The following ANO6 variants were observed in gnomAD, a reference collection of about 807,000 sequenced individuals.
ANO6 encodes anoctamin 6.
Under a neutral mutation model 117.5 loss-of-function variants are expected in ANO6, and 106 were observed. That is an observed-to-expected ratio of 0.90 (90% CI 0.77 to 1.06). The LOEUF is 1.06. ANO6 is among the 50% of genes least tolerant of loss of function. The probability of loss-of-function intolerance (pLI) is 0.00; values close to 1 mark genes in which losing one functional copy is unlikely to be tolerated. For synonymous variants in ANO6, 367 were observed against 385.1 expected (o/e 0.95, Z 0.55); for missense variants, 955 against 1,121.1 (o/e 0.85, Z 2.12).
intron 10 of ANO6, among the ~76,000 whole-genome samples, chr12:45,382,383 G>T (rs1186064914): frequency 6.6e-6 from 1 of 152,144 alleles, no homozygotes; most frequent in Non-Finnish European, 1.5e-5. Flanking sequence ...AGTGCAACAA[G>T]ATTTTAATGT....
intron 1 of ANO6, among the ~76,000 whole-genome samples, chr12:45,239,823 T>G (rs1314947861): frequency 7.2e-5 from 11 of 152,180 alleles, no homozygotes; most frequent in Admixed American, 2.6e-4. Context: ...TTCCATGTAG[T>G]TGTGTGGTTT....
intron 1 of ANO6, among the ~76,000 whole-genome samples, chr12:45,225,741 G>A (rs1251483427): frequency 1.3e-5 from 2 of 152,030 alleles, no homozygotes; most frequent in East Asian, 1.9e-4. Flanking sequence ...CTCCCGCCTC[G>A]GCCTTCCAAA....
At chr12:45,264,069 G>A (rs1486033338) in intron 1 of ANO6, among the ~76,000 whole-genome samples, 2 of 152,164 alleles carry the variant, frequency 1.3e-5, no homozygotes, top group Non-Finnish European at 2.9e-5. Flanking sequence ...ACATTCGGAA[G>A]GAAACCGAGG....
chr12:45,403,618 CACATA>C (rs879770502), intron 15 of ANO6, 82 bp downstream of exon 15: 21,079 of 874,794 alleles, frequency 0.024, 573 homozygotes, highest in East Asian at 0.23. Context: ...CCTACATAGC[CACATA>C]GCCACATAGC....
At chr12:45,244,190 G>A (rs1208080870) in intron 1 of ANO6, among the ~76,000 whole-genome samples, 4 of 152,096 alleles carry the variant, frequency 2.6e-5, no homozygotes, top group African/African-American at 4.8e-5. Context: ...TATTTTTGTT[G>A]TAACCAAAAG....
intron 1 of ANO6, among the ~76,000 whole-genome samples, chr12:45,243,594 G>A (rs1947778413): frequency 6.6e-6 from 1 of 151,710 alleles, no homozygotes; most frequent in Non-Finnish European, 1.5e-5. Flanking sequence ...TTGTCGCCTA[G>A]GCTGGAGTGC....
At chr12:45,257,370 C>A (rs1461571724) in intron 1 of ANO6, among the ~76,000 whole-genome samples, 1 of 152,182 alleles carries the variant, frequency 6.6e-6, no homozygotes, top group Non-Finnish European at 1.5e-5. Context: ...CCTGGGGCCA[C>A]CCCAGTCTGA....
In ANO6 at chr12:45,423,208, C is replaced by T. The variant is rs1317974760; in HGVS notation, c.2526+146C>T. ...TAGGAAATATGTTAATCAGTATTGA[C>T]CTGAAAATACTCAACTTCATTAACG... On this transcript the variant is annotated intron_variant, in intron 19 of 19. Transcript: ENST00000320560. 8 of 703,254 alleles carry T rather than the reference C, an allele frequency of 1.1e-5. No homozygotes were observed. The Admixed American group carries it at 1.7e-4, about 15-fold the overall frequency. 43.6% of individuals were successfully genotyped at this position (703,254 alleles called of 1,614,324 possible). A position where few individuals can be genotyped will look rare whatever the true frequency, so the allele number is the denominator to read the frequency against.
At chr12:45,283,164 A>G (rs1938799231) in intron 1 of ANO6, among the ~76,000 whole-genome samples, 1 of 152,244 alleles carries the variant, frequency 6.6e-6, no homozygotes, top group African/African-American at 2.4e-5. Flanking sequence ...GTGTACAGGA[A>G]TTAAGTAGAA....
intron 4 of ANO6, 56 bp from the exon 5 acceptor site, chr12:45,347,972 T>C (rs1261364262): frequency 6.4e-7 from 1 of 1,554,014 alleles, no homozygotes; most frequent in Non-Finnish European, 8.8e-7. Context: ...TCTATGTGTT[T>C]TAAAATTGTG....
rs1465416825 is a variant in ANO6, at chr12:45,429,666, G to A, written c.*355G>A. On this transcript the variant is annotated 3_prime_UTR_variant, in exon 20 of 20. Transcript: ENST00000320560. ...TTTTCATTTCTGTCTATTCTCAGGC[G>A]CATGATCTCCTTTATTTTTAAGCCA... The A allele has an allele frequency of 2.6e-5, 29 of 1,127,570 alleles. No individual in the cohort carries two copies. In the East Asian group the frequency reaches 3.4e-4, roughly 13 times the overall value. 69.8% of individuals were successfully genotyped at this position (1,127,570 alleles called of 1,614,324 possible). A position where few individuals can be genotyped will look rare whatever the true frequency, so the allele number is the denominator to read the frequency against.
chr12:45,322,305 G>GTGGTTAGA (rs1355237223), intron 2 of ANO6, among the ~76,000 whole-genome samples: 1 of 152,126 alleles, frequency 6.6e-6, no homozygotes, highest in African/African-American at 2.4e-5. Context: ...AGGTGGTTAG[G>GTGGTTAGA]AGAGCAGGAG....
At chr12:45,365,023 T>G (rs1941649312) in intron 8 of ANO6, among the ~76,000 whole-genome samples, 1 of 152,240 alleles carries the variant, frequency 6.6e-6, no homozygotes, top group African/African-American at 2.4e-5. Flanking sequence ...GTGTGACCAC[T>G]TAAGTCTGTG....
intron 12 of ANO6, among the ~76,000 whole-genome samples, chr12:45,398,685 G>A (rs1183151407): frequency 6.6e-6 from 1 of 151,968 alleles, no homozygotes; most frequent in Non-Finnish European, 1.5e-5. Context: ...GGAATGTTGT[G>A]CGGCGATGAG....
chr12:45,388,144 T>C lies in ANO6; in HGVS notation c.1166-17T>C, dbSNP rs145904853. On this transcript the variant is annotated splice_polypyrimidine_tract_variant and intron_variant, in intron 10 of 19. Coordinates refer to ENST00000320560, the MANE Select transcript of ANO6 (RefSeq NM_001025356.3). ...CATCATTGAAAATCCACACAAGCTC[T>C]TCTGTCTCTCTGTTAGTTACCTTGT... 7.4e-4 allele frequency: 1,190 copies of C among 1,613,708 alleles called. 6 individuals are homozygous for C. The African/African-American group carries it at 0.014, about 19-fold the overall frequency.
At chr12:45,356,100 G>A (rs1941403650) in intron 7 of ANO6, among the ~76,000 whole-genome samples, 1 of 152,112 alleles carries the variant, frequency 6.6e-6, no homozygotes, top group African/African-American at 2.4e-5. Context: ...GAACAATTTT[G>A]GCACTGCTTC....
intron 1 of ANO6, among the ~76,000 whole-genome samples, chr12:45,248,886 GC>G (rs759081779): frequency 3.8e-4 from 58 of 152,116 alleles, no homozygotes; most frequent in Non-Finnish European, 7.8e-4. Context: ...CCTGGTCTGG[GC>G]CCATTTGGCC....
At chr12:45,401,750 C>G in intron 12 of ANO6, 45 bp from the exon 13 acceptor site, 1 of 1,459,064 alleles carries the variant, frequency 6.9e-7, no homozygotes, top group Non-Finnish European at 9.6e-7. Flanking sequence ...AGTACAAGTG[C>G]AGTTATTGGT....
At chr12:45,270,411 C>T (rs1395580027) in intron 1 of ANO6, 1 of 1,512,206 alleles carries the variant, frequency 6.6e-7, no homozygotes, top group Admixed American at 2.1e-5. Flanking sequence ...CAGCCTAACA[C>T]CATCCCTTAT....
Sources: allele counts gnomAD v4.1 joint callset (sites outside exome capture counted in the v4.1 genomes callset), GRCh38; gene constraint gnomAD v4.1.1; transcripts MANE v1.5; gene names NCBI Gene and HGNC (gene_info 2026-07-23, HGNC 2026-07-21).